Variants in FBRSL1 observed in about 807,000 individuals in gnomAD.
The protein encoded by FBRSL1 is fibrosin-1-like protein.
Under a neutral mutation model 89.6 loss-of-function variants are expected in FBRSL1, and 51 were observed. The observed-to-expected ratio is 0.57, with a 90% CI of 0.45 to 0.72. FBRSL1 has a LOEUF of 0.72. Among genes scored for constraint, FBRSL1 ranks in the 30% least tolerant of loss-of-function variants. The pLI, the probability that FBRSL1 is intolerant of heterozygous loss-of-function variation, is 0.00. For synonymous variants in FBRSL1, 779 were observed against 681.1 expected (o/e 1.14, Z -2.24); for missense variants, 1,618 against 1,451.8 (o/e 1.11, Z -1.86).
chr12:132,540,440 C>T (rs375349900), intron 4 of FBRSL1, among the ~76,000 whole-genome samples: 76 of 150,776 alleles, frequency 5.0e-4, no homozygotes, highest in East Asian at 4.4e-3. Context: ...CAGCTGGTCC[C>T]GGCCACCTAC....
intron 1 of FBRSL1, among the ~76,000 whole-genome samples, chr12:132,505,434 G>GC (rs952219610): frequency 2.0e-4 from 31 of 152,248 alleles, no homozygotes; most frequent in Non-Finnish European, 3.1e-4. Context: ...CCTGGGGACT[G>GC]CCCCCCGTCT....
At position 132,570,791 on chromosome 12, in the gene FBRSL1, G is replaced by A. The variant is rs541506487; in HGVS notation, c.1213+251G>A. On this transcript the variant is annotated intron_variant, in intron 8 of 18. Coordinates refer to ENST00000680143, the MANE Select transcript of FBRSL1 (RefSeq NM_001367871.1). ...GACGCGTGTTCACACTGAGACGGGC[G>A]CACGGGCCTCCCCTCCTGGGGCCAG... Among the ~76,000 whole-genome samples the A allele has an allele frequency of 2.1e-4, 32 of 152,328 alleles. No homozygotes were observed. The East Asian group carries it at 4.4e-3, about 21-fold the overall frequency.
At chr12:132,575,449 A>C (rs988493333) in intron 14 of FBRSL1, among the ~76,000 whole-genome samples, 1 of 152,050 alleles carries the variant, frequency 6.6e-6, no homozygotes, top group Non-Finnish European at 1.5e-5. Context: ...GGATGGTCTC[A>C]ATCTCTTGGC....
chr12:132,525,945 TC>T, intron 3 of FBRSL1, 122 bp downstream of exon 3: 1 of 784,870 alleles, frequency 1.3e-6, no homozygotes, highest in Non-Finnish European at 2.0e-6. Flanking sequence ...CACAAGGGCG[TC>T]CAGTCCGAGT....
At chr12:132,534,738 C>T (rs1041849779) in intron 4 of FBRSL1, among the ~76,000 whole-genome samples, 1 of 152,212 alleles carries the variant, frequency 6.6e-6, no homozygotes, top group African/African-American at 2.4e-5. Flanking sequence ...GGCTTCTGGG[C>T]CTTGGTGGCT....
At position 132,544,869 on chromosome 12, in the gene FBRSL1, G is replaced by A. The variant is rs555878375; in HGVS notation, c.616-3134G>A. Among the ~76,000 whole-genome samples, 12 of 152,298 alleles carry A rather than the reference G, an allele frequency of 7.9e-5. No individual in the cohort carries two copies. The South Asian group carries it at 2.3e-3, about 29-fold the overall frequency. On this transcript the variant is annotated intron_variant, in intron 4 of 18. Transcript: ENST00000680143. Reference sequence around the variant, plus strand: ...TGACGGTGATGAGGGTGATGGTGATGAGGATGGTGATGGTAGTGATGATAC... The same window carrying A: ...TGACGGTGATGAGGGTGATGGTGATAAGGATGGTGATGGTAGTGATGATAC...
intron 4 of FBRSL1, among the ~76,000 whole-genome samples, chr12:132,531,574 CGT>C (rs2036286845): frequency 6.6e-6 from 1 of 151,892 alleles, no homozygotes; most frequent in African/African-American, 2.4e-5. Context: ...TGTGCACCCG[CGT>C]GTGTGTGACC....
intron 1 of FBRSL1, among the ~76,000 whole-genome samples, chr12:132,497,204 C>T (rs2032182865): frequency 6.6e-6 from 1 of 152,204 alleles, no homozygotes; most frequent in Non-Finnish European, 1.5e-5. Context: ...ACTCGGGTCC[C>T]AGCACTCCAG....
chr12:132,559,971 TCCGCGCCCGCCGCCTCGGGGCCCGCG>T (rs1380265005), intron 5 of FBRSL1: 12 of 147,194 alleles, frequency 8.2e-5, no homozygotes, highest in East Asian at 2.0e-4. Flanking sequence ...CGCGCCCAGC[TCCGCGCCCGCCGCCTCGGGGCCCGCG>T]CCGCGCCCGA....
intron 4 of FBRSL1, among the ~76,000 whole-genome samples, chr12:132,536,691 G>A (rs1001514377): frequency 9.2e-5 from 14 of 151,566 alleles, no homozygotes; most frequent in East Asian, 5.8e-4. Flanking sequence ...GTGAGTGCAC[G>A]TGTACATGAT....
At chr12:132,528,645 TC>T (rs1267436632) in intron 4 of FBRSL1, among the ~76,000 whole-genome samples, 1 of 151,648 alleles carries the variant, frequency 6.6e-6, no homozygotes. Flanking sequence ...CGGGTGTGTT[TC>T]AGTGTGTGCT....
rs2041037577 is a variant in FBRSL1, at chr12:132,585,051, T to C, written c.*1273T>C. The C allele has an allele frequency of 6.6e-6, 1 of 151,938 alleles. No individual in the cohort carries two copies. Among genetic ancestry groups the C allele is most frequent in the Non-Finnish European group, 1.5e-5 (1 of 68,002 alleles). The allele number at this position is 151,938 out of a possible 1,614,324, so 9.4% of individuals were successfully genotyped here. On this transcript the variant is annotated 3_prime_UTR_variant, in exon 19 of 19. Coordinates refer to ENST00000680143, the MANE Select transcript of FBRSL1 (RefSeq NM_001367871.1). ...TGTGTCCCTGCCGGGATTCCCAGCC[T>C]TCGGGGTCAGCCGTCGAGCCACTTG...
In FBRSL1 at chr12:132,510,414, C is replaced by T. The variant is rs1430949597; in HGVS notation, c.489+2064C>T. The T allele has an allele frequency of 1.8e-5, 22 of 1,231,918 alleles. No homozygotes were observed. In the East Asian group the frequency reaches 1.9e-4, roughly 11 times the overall value. 76.3% of individuals were successfully genotyped at this position (1,231,918 alleles called of 1,614,324 possible). A position where few individuals can be genotyped will look rare whatever the true frequency, so the allele number is the denominator to read the frequency against. On this transcript the variant is annotated intron_variant, in intron 2 of 18. Transcript: ENST00000680143. ...CCGATCCTGTGCCCCCGGGATGGCC[C>T]GTCAGGCCCCATCTGTGAGCCCTGG...
chr12:132,536,398 AAT>A (rs1398651016), intron 4 of FBRSL1, among the ~76,000 whole-genome samples: 2 of 148,364 alleles, frequency 1.3e-5, no homozygotes, highest in Admixed American at 6.7e-5. Context: ...TGTACATGAC[AAT>A]ATGATTCTGT....
At chr12:132,564,559 G>A (rs1566211826) in intron 5 of FBRSL1, among the ~76,000 whole-genome samples, 1 of 105,562 alleles carries the variant, frequency 9.5e-6, no homozygotes. Context: ...CCAGTGGTAC[G>A]ATCTCAGCTC....
At chr12:132,535,219 C>G (rs529229303) in intron 4 of FBRSL1, among the ~76,000 whole-genome samples, 3 of 152,358 alleles carry the variant, frequency 2.0e-5, no homozygotes, top group South Asian at 2.1e-4. Context: ...CCTGACAACA[C>G]GAGAATATAT....
chr12:132,575,404 T>G (rs562090718), intron 14 of FBRSL1, among the ~76,000 whole-genome samples: 97 of 152,348 alleles, frequency 6.4e-4, no homozygotes, highest in African/African-American at 2.2e-3. Context: ...ATTTTTTGTA[T>G]TTTTTGTAGA....
chr12:132,490,797 C>T lies in FBRSL1; in HGVS notation c.227C>T (p.Ser76Leu). The T allele has an allele frequency of 7.5e-7, 1 of 1,327,250 alleles. No individual in the cohort carries two copies. Among genetic ancestry groups the T allele is most frequent in the Non-Finnish European group, 9.7e-7 (1 of 1,036,138 alleles). 82.2% of individuals were successfully genotyped at this position (1,327,250 alleles called of 1,614,324 possible). ...PPRRRRRESS[S>L]QEEEVIDGFA... ...CGCCGCCGCCGCCGCGAGTCCAGCT[C>T]GCAGGAGGAGGAGGTCATCGACGGC... The change falls in exon 1 of 19, where the codon TCG (serine) becomes TTG (leucine). Residue 76 changes from serine (S) to leucine (L), a missense_variant. By Grantham distance (145) the Ser-to-Leu change is moderately radical. Transcript: ENST00000680143.
intron 3 of FBRSL1, among the ~76,000 whole-genome samples, chr12:132,526,338 C>T (rs964174453): frequency 2.2e-4 from 34 of 152,224 alleles, no homozygotes; most frequent in African/African-American, 8.2e-4. Flanking sequence ...ATCTTGTTGC[C>T]ACAAGTTAGG....
Sources: gnomAD v4.1 joint callset for allele counts (sites outside exome capture counted in the v4.1 genomes callset) on GRCh38, gnomAD v4.1.1 for gene constraint, MANE v1.5 for transcripts, NCBI Gene and HGNC (gene_info 2026-07-23, HGNC 2026-07-21) for gene names.